The following CTNND1 variants were observed in gnomAD, a reference collection of about 807,000 sequenced individuals.
The protein encoded by CTNND1 is catenin delta-1.
In CTNND1, 16 loss-of-function variants were observed where a neutral mutation model predicts 112.1. That is an observed-to-expected ratio of 0.14 (90% CI 0.10 to 0.22). The LOEUF is 0.22. Among genes scored for constraint, CTNND1 ranks in the 10% least tolerant of loss-of-function variants. CTNND1 has a pLI of 1.00. For synonymous variants in CTNND1, 420 were observed against 446.5 expected (o/e 0.94, Z 0.75); for missense variants, 1,008 against 1,257.0 (o/e 0.80, Z 3.00).
chr11:57,806,983 G>C lies in CTNND1; in HGVS notation c.1963G>C (p.Gly655Arg). ...DFPKRTSPAR[G>R]YELLFQPEVV... is the part of the protein sequence containing the mutation. Reference sequence around the variant, plus strand: ...CCCTAAAAGAACGAGTCCAGCTCGAGGTAAGTTATCTTCTCAGTCTCCAAA... The same window carrying C: ...CCCTAAAAGAACGAGTCCAGCTCGACGTAAGTTATCTTCTCAGTCTCCAAA... Residue 655 changes from glycine to arginine, a missense_variant and splice_region_variant, in exon 12 of 21, where the codon GGC becomes CGC. By Grantham distance (125) the Gly-to-Arg change is moderately radical (BLOSUM62 -2). This residue lies in a region of CTNND1 where 254 missense variants were observed against 279.5 expected (regional missense o/e 0.91). Coordinates refer to ENST00000399050, the MANE Select transcript of CTNND1 (RefSeq NM_001085458.2). The C allele has an allele frequency of 6.3e-7, 1 of 1,593,754 alleles. No individual in the cohort carries two copies.
At chr11:57,798,819 T>G (rs1460287576) in intron 6 of CTNND1, among the ~76,000 whole-genome samples, 2 of 152,224 alleles carry the variant, frequency 1.3e-5, no homozygotes, top group African/African-American at 4.8e-5. Flanking sequence ...TGTTGTTCTT[T>G]TTTTCAAACA....
At chr11:57,787,395 G>C (rs1424533030) in intron 1 of CTNND1, among the ~76,000 whole-genome samples, 3 of 152,202 alleles carry the variant, frequency 2.0e-5, no homozygotes, top group African/African-American at 7.2e-5. Flanking sequence ...AAAATAGTTT[G>C]AGGCTGAGAC....
At chr11:57,766,387 T>G (rs1951085483) in intron 1 of CTNND1, among the ~76,000 whole-genome samples, 1 of 152,232 alleles carries the variant, frequency 6.6e-6, no homozygotes, top group African/African-American at 2.4e-5. Flanking sequence ...GCCACAAAAC[T>G]TTAGATTTTG....
At chr11:57,798,942 A>G (rs1260286623) in intron 6 of CTNND1, among the ~76,000 whole-genome samples, 1 of 152,244 alleles carries the variant, frequency 6.6e-6, no homozygotes, top group African/African-American at 2.4e-5. Flanking sequence ...GAGAAATGAT[A>G]AGAAACAAGG....
chr11:57,794,177 C>A, intron 4 of CTNND1, 96 bp downstream of exon 4: 1 of 1,028,684 alleles, frequency 9.7e-7, no homozygotes, highest in Non-Finnish European at 1.5e-6. Flanking sequence ...GTGCCTGGCA[C>A]ATTGTACATA....
At chr11:57,766,186 A>G (rs1951030681) in intron 1 of CTNND1, among the ~76,000 whole-genome samples, 1 of 152,190 alleles carries the variant, frequency 6.6e-6, no homozygotes, top group African/African-American at 2.4e-5. Context: ...AAAACCTTAA[A>G]TGTTGCCATT....
intron 1 of CTNND1, among the ~76,000 whole-genome samples, chr11:57,773,290 A>G (rs1295701529): frequency 6.6e-6 from 1 of 151,796 alleles, no homozygotes; most frequent in African/African-American, 2.4e-5. Context: ...CCTCCATCAC[A>G]TCTGGCTACT....
rs1477066533 is a variant in CTNND1 at position 57,762,123 on chromosome 11, A to G, written c.-214+4A>G. ...CAAGTCGAATTTTTGTCTTACGGTA[A>G]CCGGAGGGAATTAAAAAACGGGAGA... On this transcript the variant is annotated splice_donor_region_variant and intron_variant, in intron 1 of 20. Transcript: ENST00000399050. 1.0e-6 allele frequency: 1 copy of G among 984,342 alleles called. No homozygotes were observed. Among genetic ancestry groups the G allele is most frequent in the Non-Finnish European group, 1.2e-6 (1 of 829,038 alleles). 61.0% of individuals were successfully genotyped at this position (984,342 alleles called of 1,614,324 possible). A position where few individuals can be genotyped will look rare whatever the true frequency, so the allele number is the denominator to read the frequency against.
Position 57,806,909 on chromosome 11 carries a change from T to C in CTNND1, c.1895-6T>C. ...CCCCTTTTCCCGCCCTTTTTCATTT[T>C]TGTAGGGAAAAAACCTATAGAGGAT... On this transcript the variant is annotated splice_polypyrimidine_tract_variant and splice_region_variant and intron_variant, in intron 11 of 20. Coordinates refer to ENST00000399050, the MANE Select transcript of CTNND1 (RefSeq NM_001085458.2). 6.3e-7 allele frequency: 1 copy of C among 1,590,924 alleles called. No individual in the cohort carries two copies. The highest frequency in any genetic ancestry group is 8.6e-7 in the Non-Finnish European group (1 of 1,168,084).
At chr11:57,815,630 G>C (rs758419659) in intron 19 of CTNND1, 130 bp downstream of exon 19, 5 of 891,098 alleles carry the variant, frequency 5.6e-6, no homozygotes, top group Middle Eastern at 2.2e-4. Flanking sequence ...TCAGGAAAAA[G>C]TAAGAGTTCT....
chr11:57,767,946 G>C (rs1279730284), intron 1 of CTNND1, among the ~76,000 whole-genome samples: 1 of 150,970 alleles, frequency 6.6e-6, no homozygotes, highest in Non-Finnish European at 1.5e-5. Flanking sequence ...CAATTCTCCT[G>C]CCTCAGCCTC....
chr11:57,812,568 C>G (rs2063494602), intron 17 of CTNND1, among the ~76,000 whole-genome samples: 1 of 152,078 alleles, frequency 6.6e-6, no homozygotes, highest in Non-Finnish European at 1.5e-5. Flanking sequence ...CTTGAGTATA[C>G]ATCTTTTTAA....
rs1236214030 is a variant in CTNND1 at position 57,817,719 on chromosome 11, A to ATTTC, written c.*1411_*1412insTTTC. ...TGCCCAGAATTTACCATCATCTCTG[A>ATTTC]AGGAGTTACAGGGAAGTGGTCTCCC... On this transcript the variant is annotated 3_prime_UTR_variant, in exon 21 of 21. Coordinates refer to ENST00000399050, the MANE Select transcript of CTNND1 (RefSeq NM_001085458.2). 1 of 152,548 alleles carries ATTTC rather than the reference A, an allele frequency of 6.6e-6. No individual in the cohort carries two copies. Among genetic ancestry groups the ATTTC allele is most frequent in the Non-Finnish European group, 1.5e-5 (1 of 68,024 alleles). The allele number at this position is 152,548 out of a possible 1,614,324, so 9.4% of individuals were successfully genotyped here.
chr11:57,777,994 G>A (rs1264766822), intron 1 of CTNND1, among the ~76,000 whole-genome samples: 1 of 152,132 alleles, frequency 6.6e-6, no homozygotes, highest in African/African-American at 2.4e-5. Context: ...ATTAGGAGAG[G>A]AGGCTTTCTT....
intron 1 of CTNND1, among the ~76,000 whole-genome samples, chr11:57,776,729 T>G (rs909834643): frequency 1.3e-5 from 2 of 152,218 alleles, no homozygotes; most frequent in African/African-American, 2.4e-5. Context: ...TTGGCTATAC[T>G]TGTCGTCTTC....
chr11:57,794,219 CAAA>C lies in CTNND1; in HGVS notation c.267+139_267+141del, dbSNP rs2061092213. On this transcript the variant is annotated intron_variant, in intron 4 of 20. Transcript: ENST00000399050. ...AATTAGTTTCTTTTATTTACGAAAA[CAAA>C]GAAGTGGAGCTCCAAAGTATATATG... is the stretch of plus-strand genomic sequence containing the variant. 6.8e-6 allele frequency: 5 copies of C among 732,330 alleles called. 1 individual carries two copies. Among genetic ancestry groups the C allele is most frequent in the Middle Eastern group, 5.1e-4 (2 of 3,932 alleles). 45.4% of individuals were successfully genotyped at this position (732,330 alleles called of 1,614,324 possible).
chr11:57,791,693 G>C lies in CTNND1; in HGVS notation c.195+20G>C, dbSNP rs775650782. On this transcript the variant is annotated intron_variant, in intron 3 of 20. Coordinates refer to ENST00000399050, the MANE Select transcript of CTNND1 (RefSeq NM_001085458.2). Reference sequence around the variant, plus strand: ...CATCAGGTAACCCCTCTCTCCATCAGACGTGCAGGTAGGACTTTGGCATGG... The same window carrying C: ...CATCAGGTAACCCCTCTCTCCATCACACGTGCAGGTAGGACTTTGGCATGG... 6 of 1,515,884 alleles carry C rather than the reference G, an allele frequency of 4.0e-6. No homozygotes were observed. The highest frequency in any genetic ancestry group is 5.3e-6 in the Non-Finnish European group (6 of 1,126,222). 93.9% of individuals were successfully genotyped at this position (1,515,884 alleles called of 1,614,324 possible). A position where few individuals can be genotyped will look rare whatever the true frequency, so the allele number is the denominator to read the frequency against.
At chr11:57,784,850 A>T (rs2059969811) in intron 1 of CTNND1, among the ~76,000 whole-genome samples, 1 of 152,188 alleles carries the variant, frequency 6.6e-6, no homozygotes, top group South Asian at 2.1e-4. Context: ...GGAAGAAAGG[A>T]GGAGAGCTGC....
intron 1 of CTNND1, among the ~76,000 whole-genome samples, chr11:57,764,557 C>G (rs1164005854): frequency 2.0e-5 from 3 of 152,126 alleles, no homozygotes; most frequent in Non-Finnish European, 4.4e-5. Flanking sequence ...TGCCAAGGCC[C>G]TCATTCCCCC....
Sources: allele counts gnomAD v4.1 joint callset (sites outside exome capture counted in the v4.1 genomes callset), GRCh38; gene constraint gnomAD v4.1.1; regional missense constraint gnomAD v4.1.1; transcripts MANE v1.5; gene names NCBI Gene and HGNC (gene_info 2026-07-23, HGNC 2026-07-21).